AATK: variants seen among roughly 807,000 people sequenced by gnomAD.
AATK encodes the protein serine/threonine-protein kinase LMTK1.
Under a neutral mutation model 114.3 loss-of-function variants are expected in AATK, and 91 were observed. The ratio of observed to expected loss-of-function variants is 0.80; its 90% CI spans 0.67 to 0.95. The LOEUF is 0.95. Among genes scored for constraint, AATK ranks in the 40% least tolerant of loss-of-function variants. AATK has a pLI of 0.00. For synonymous variants in AATK, 1,075 were observed against 916.5 expected (o/e 1.17, Z -3.12); for missense variants, 2,176 against 1,965.2 (o/e 1.11, Z -2.03).
Position 81,122,004 on chromosome 17 carries a change from G to T in AATK, c.1932C>A (p.Gly644=), listed in dbSNP as rs1399690184. The T allele has an allele frequency of 7.5e-6, 12 of 1,601,674 alleles. No individual in the cohort carries two copies. Among genetic ancestry groups the T allele is most frequent in the Admixed American group, 3.3e-5 (2 of 59,948 alleles). The part of the protein sequence containing the change: ...FCPAFFEDPL[G]TSPLGSSGAP... ...CCCCTGAGCTCCCCAAAGGGGACGT[G>T]CCCAGTGGGTCCTCGAAGAAGGCAG... Residue 644 remains glycine, a synonymous_variant, in exon 11 of 14, where the codon GGC becomes GGA. Transcript: ENST00000326724.
rs1036318420 is a variant in AATK at position 81,123,252 on chromosome 17, G to T, written c.1054C>A (p.Arg352=). ...TTGGGCAGCTTGAGCTGCTGCTCCC[G>T]GACCGTGTACGCCAGCACCTGCTGG... ...SDQQVLAYTV[R]EQQLKLPKPQ... Residue 352 remains arginine (R), a synonymous_variant, in exon 10 of 14, where the codon CGG becomes AGG. Transcript: ENST00000326724. The T allele has an allele frequency of 7.8e-6, 11 of 1,411,924 alleles. No homozygotes were observed. Among genetic ancestry groups the T allele is most frequent in the East Asian group, 3.0e-5 (1 of 33,498 alleles). 87.5% of individuals were successfully genotyped at this position (1,411,924 alleles called of 1,614,324 possible). A position where few individuals can be genotyped will look rare whatever the true frequency, so the allele number is the denominator to read the frequency against.
chr17:81,165,910 C>A, intron 1 of AATK, 28 bp downstream of exon 1: 5 of 1,565,636 alleles, frequency 3.2e-6, no homozygotes, highest in Non-Finnish European at 4.3e-6. Flanking sequence ...GAGGCAGCGG[C>A]GCGCAGGCCG....
chr17:81,131,634 G>A lies in AATK; in HGVS notation c.190-429C>T, dbSNP rs1030460830. Among the ~76,000 whole-genome samples the A allele has an allele frequency of 2.6e-5, 4 of 152,134 alleles. 1 individual carries two copies. Among genetic ancestry groups the A allele is most frequent in the Admixed American group, 2.6e-4 (4 of 15,286 alleles). On this transcript the variant is annotated intron_variant, in intron 2 of 13. Transcript: ENST00000326724. The stretch of plus-strand genomic sequence containing the variant: ...GCAGGGAACCAAGGGACAGAGGTGA[G>A]GGCACTCAGGCCAGCTGGCCCTGCC...
intron 1 of AATK, among the ~76,000 whole-genome samples, chr17:81,149,237 C>T (rs1401668388): frequency 2.0e-5 from 3 of 152,138 alleles, no homozygotes; most frequent in Admixed American, 2.0e-4. Flanking sequence ...CTTCCCTGAC[C>T]CCAGCACATC....
At position 81,122,810 on chromosome 17, in the gene AATK, G is replaced by A. The variant is rs1478601468; in HGVS notation, c.1126C>T (p.Gln376Ter). Residue 376 changes from glutamine to a stop codon, truncating the protein, a stop_gained, in exon 11 of 14, where the codon CAG becomes TAG. Transcript: ENST00000326724. LOFTEE classifies it high-confidence loss of function. Reference sequence around the variant, plus strand: ...TGCTCGGGCTGCAGCCAGCAGAACTGCATCACCTCGTACCTGCGAGGAGGT... The same window carrying A: ...TGCTCGGGCTGCAGCCAGCAGAACTACATCACCTCGTACCTGCGAGGAGGT... ...TLSDRWYEVM[Q>*]FCWLQPEQRP... 3 of 1,562,654 alleles carry A rather than the reference G, an allele frequency of 1.9e-6. No homozygotes were observed. The highest frequency in any genetic ancestry group is 2.7e-5 in the African/African-American group (2 of 73,560).
Position 81,122,313 on chromosome 17 carries a change from G to A in AATK, c.1623C>T (p.Ala541=), listed in dbSNP as rs1211958821. 3.3e-5 allele frequency: 50 copies of A among 1,510,106 alleles called. No homozygotes were observed. The highest frequency in any genetic ancestry group is 4.2e-5 in the Non-Finnish European group (48 of 1,134,586). 93.5% of individuals were successfully genotyped at this position (1,510,106 alleles called of 1,614,324 possible). The change falls in exon 11 of 14, where the codon GCC becomes GCT. Residue 541 remains alanine (A), a synonymous_variant. Coordinates refer to ENST00000326724, the MANE Select transcript of AATK (RefSeq NM_001080395.3). ...FIRLEEAAPA[A]GHDPDCAGCA... is the part of the protein sequence containing the mutation. ...AGCCGGCGCAGTCAGGGTCGTGGCC[G>A]GCGGCGGGTGCGGCCTCCTCTAGGC...
chr17:81,119,229 T>TGGGGCCGGGACGGAGC, intron 13 of AATK, 151 bp downstream of exon 13: 1 of 815,678 alleles, frequency 1.2e-6, no homozygotes, highest in Non-Finnish European at 1.7e-6. Context: ...AGGCTAGGTC[T>TGGGGCCGGGACGGAGC]GGGGCCGGGA....
Position 81,120,597 on chromosome 17 carries a change from G to A in AATK, c.3339C>T (p.Asn1113=). 6.5e-7 allele frequency: 1 copy of A among 1,548,594 alleles called. No individual in the cohort carries two copies. Among genetic ancestry groups the A allele is most frequent in the Non-Finnish European group, 8.7e-7 (1 of 1,150,564 alleles). The stretch of plus-strand genomic sequence containing the variant: ...CTGGGGGCCCCTGGAACTCAGAGCT[G>A]TTGCCTTCTGATCTCAGCGGAACCG... ...LTPVPLRSEG[N]SSEFQGPPGL... Residue 1113 remains asparagine, a synonymous_variant, in exon 11 of 14, where the codon AAC becomes AAT. Coordinates refer to ENST00000326724, the MANE Select transcript of AATK (RefSeq NM_001080395.3).
At chr17:81,119,016 G>A (rs1049228429) in intron 13 of AATK, among the ~76,000 whole-genome samples, 52 of 152,096 alleles carry the variant, frequency 3.4e-4, no homozygotes, top group Admixed American at 2.7e-3. Flanking sequence ...CCGTGGGGCC[G>A]GGGCACCGTG....
Position 81,122,414 on chromosome 17 carries a change from G to A in AATK, c.1522C>T (p.Pro508Ser), listed in dbSNP as rs1280089455. The change falls in exon 11 of 14, where the codon CCC becomes TCC. Residue 508 changes from proline to serine, a missense_variant. Coordinates refer to ENST00000326724, the MANE Select transcript of AATK (RefSeq NM_001080395.3). ...RTARLQELCAPDGAPPGVVPV... is the reference protein window; with the variant it reads ...RTARLQELCASDGAPPGVVPV... ...ACCACGCCCGGGGGCGCGCCGTCGG[G>A]GGCGCACAGCTCCTGCAGGCGTGCG... 3.4e-6 allele frequency: 5 copies of A among 1,463,808 alleles called. No individual in the cohort carries two copies. Among genetic ancestry groups the A allele is most frequent in the Non-Finnish European group, 4.5e-6 (5 of 1,111,076 alleles). 90.7% of individuals were successfully genotyped at this position (1,463,808 alleles called of 1,614,324 possible).
chr17:81,161,779 G>A (rs533055785), intron 1 of AATK, among the ~76,000 whole-genome samples: 1 of 152,320 alleles, frequency 6.6e-6, no homozygotes, highest in Admixed American at 6.5e-5. Flanking sequence ...CGTGAGGCAG[G>A]GTCAGGGTTG....
Position 81,117,972 on chromosome 17 carries a change from T to G in AATK, c.*430A>C, listed in dbSNP as rs1333374389. 3 of 160,764 alleles carry G rather than the reference T, an allele frequency of 1.9e-5. No individual in the cohort carries two copies. Among genetic ancestry groups the G allele is most frequent in the Non-Finnish European group, 4.1e-5 (3 of 73,830 alleles). The allele number at this position is 160,764 out of a possible 1,614,324, so 10.0% of individuals were successfully genotyped here. On this transcript the variant is annotated 3_prime_UTR_variant, in exon 14 of 14. Transcript: ENST00000326724. ...AGAGGCTCACAAACCTGCCAGTGTC[T>G]CGGGGCCATGCCTCGTCCTGGTTTA...
rs1043287564 is a variant in AATK, at chr17:81,121,237, G to A, written c.2699C>T (p.Pro900Leu). 2 of 1,606,978 alleles carry A rather than the reference G, an allele frequency of 1.2e-6. No homozygotes were observed. The highest frequency in any genetic ancestry group is 1.1e-5 in the South Asian group (1 of 90,010). The change falls in exon 11 of 14, where the codon CCC becomes CTC. Residue 900 changes from proline (P) to leucine (L), a missense_variant. By Grantham distance (98) the Pro-to-Leu change is moderately conservative. Coordinates refer to ENST00000326724, the MANE Select transcript of AATK (RefSeq NM_001080395.3). ...GATGTCCAGGGAGTCCAGGGAGTCG[G>A]GGGTCCCCACCTGCTTCTGCAGAGA... ...FRSLQKQVGTPDSLDSLDIPS... is the reference protein window; with the variant it reads ...FRSLQKQVGTLDSLDSLDIPS...
Position 81,118,344 on chromosome 17 carries a change from T to C in AATK, c.*58A>G, listed in dbSNP as rs1487813201. On this transcript the variant is annotated 3_prime_UTR_variant, in exon 14 of 14. Transcript: ENST00000326724. ...CCACCTTCTCGGTCACCATCCTCGC[T>C]GCTGCCTGGCAGGGGCTCCGGTGAC... 1.3e-6 allele frequency: 2 copies of C among 1,541,318 alleles called. No individual in the cohort carries two copies. Among genetic ancestry groups the C allele is most frequent in the East Asian group, 4.9e-5 (2 of 41,128 alleles).
Position 81,122,001 on chromosome 17 carries a change from C to T in AATK, c.1935G>A (p.Thr645=), listed in dbSNP as rs369982677. ...GCGCCCCTGAGCTCCCCAAAGGGGA[C>T]GTGCCCAGTGGGTCCTCGAAGAAGG... ...CPAFFEDPLG[T]SPLGSSGAPP... Residue 645 remains threonine, a synonymous_variant, in exon 11 of 14, where the codon ACG becomes ACA. Coordinates refer to ENST00000326724, the MANE Select transcript of AATK (RefSeq NM_001080395.3). The T allele has an allele frequency of 1.9e-6, 3 of 1,601,662 alleles. No homozygotes were observed. The highest frequency in any genetic ancestry group is 4.5e-5 in the East Asian group (2 of 44,864).
At chr17:81,160,726 G>T in intron 1 of AATK, among the ~76,000 whole-genome samples, 1 of 152,238 alleles carries the variant, frequency 6.6e-6, no homozygotes, top group Non-Finnish European at 1.5e-5. Flanking sequence ...AGGAGTGGTC[G>T]AGTGGGCCTC....
intron 3 of AATK, among the ~76,000 whole-genome samples, chr17:81,129,684 A>G (rs2060900244): frequency 6.6e-6 from 1 of 152,092 alleles, no homozygotes; most frequent in Non-Finnish European, 1.5e-5. Flanking sequence ...AATCCTCCAG[A>G]GGTGGCTCTG....
At chr17:81,143,256 G>A (rs2061164708) in intron 1 of AATK, among the ~76,000 whole-genome samples, 1 of 151,524 alleles carries the variant, frequency 6.6e-6, no homozygotes, top group Non-Finnish European at 1.5e-5. Flanking sequence ...AGCAGCCCCA[G>A]GTCCCAGGCA....
At position 81,126,446 on chromosome 17, in the gene AATK, G is replaced by A. The variant is rs1204365971; in HGVS notation, c.736C>T (p.Arg246Cys). Residue 246 changes from arginine (R) to cysteine (C), a missense_variant, in exon 7 of 14, where the codon CGC (arginine) becomes TGC (cysteine). This residue lies in a region of AATK where 273 missense variants were observed against 344.1 expected (regional missense o/e 0.79). Transcript: ENST00000326724. This position sits in a 1 kb window ranked among gnomAD's most constrained non-coding sequence, Gnocchi z 5.1. ...EVACGVLHLH[R>C]NNFVHSDLAL... ...CCTCACCTGTGCACGAAATTGTTGC[G>A]ATGAAGGTGCAGGACGCCACAGGCC... is the stretch of plus-strand genomic sequence containing the variant. 1.4e-5 allele frequency: 22 copies of A among 1,563,256 alleles called. No individual in the cohort carries two copies. Among genetic ancestry groups the A allele is most frequent in the Non-Finnish European group, 7.8e-6 (9 of 1,153,898 alleles).
Sources: allele counts gnomAD v4.1 joint callset (sites outside exome capture counted in the v4.1 genomes callset), GRCh38; gene constraint gnomAD v4.1.1; regional missense constraint gnomAD v4.1.1; non-coding constraint Gnocchi (gnomAD v3.1); transcripts MANE v1.5; gene names NCBI Gene and HGNC (gene_info 2026-07-23, HGNC 2026-07-21).